The following TRIM36 variants were observed in gnomAD, a reference collection of about 807,000 sequenced individuals.
The protein encoded by TRIM36 is E3 ubiquitin-protein ligase TRIM36.
A neutral mutation model predicts 72.4 loss-of-function variants in TRIM36; 42 were observed. The ratio of observed to expected loss-of-function variants is 0.58; its 90% CI spans 0.45 to 0.75. The LOEUF (loss-of-function observed/expected upper bound fraction) is 0.75. Ranked by LOEUF, TRIM36 falls within the 30% of genes least tolerant of loss-of-function variation. The pLI is 0.00. For missense variants in TRIM36, 913 were observed against 857.1 expected (o/e 1.07, Z -0.81); for synonymous variants, 315 against 282.8 (o/e 1.11, Z -1.14).
chr5:115,135,760 A>G (rs1428749359), intron 7 of TRIM36, among the ~76,000 whole-genome samples: 1 of 152,220 alleles, frequency 6.6e-6, no homozygotes, highest in Non-Finnish European at 1.5e-5. Flanking sequence ...TACAATCAGC[A>G]TTTTAAGTGA....
At chr5:115,172,560 A>AC (rs200020650), upstream of TRIM36, among the ~76,000 whole-genome samples, 1,507 of 151,854 alleles carry the variant, frequency 9.9e-3, 22 homozygotes, top group African/African-American at 0.035. Flanking sequence ...ACATGGTGAA[A>AC]CCCCCCCTTT....
intron 4 of TRIM36, among the ~76,000 whole-genome samples, chr5:115,144,311 T>C (rs750688236): frequency 2.9e-4 from 44 of 152,174 alleles, no homozygotes; most frequent in Admixed American, 4.6e-4. Flanking sequence ...ATCATAGACA[T>C]TGGGCTCATT....
intron 2 of TRIM36, among the ~76,000 whole-genome samples, chr5:115,154,443 G>A (rs1580684287): frequency 6.6e-6 from 1 of 150,992 alleles, no homozygotes; most frequent in East Asian, 1.9e-4. Flanking sequence ...TACACCATTA[G>A]CAAAATTAAC....
In TRIM36 at chr5:115,130,858, G is replaced by A. The variant is rs779492688; in HGVS notation, c.1530C>T (p.Gly510=). 2 of 1,609,000 alleles carry A rather than the reference G, an allele frequency of 1.2e-6. No homozygotes were observed. The highest frequency in any genetic ancestry group is 2.2e-5 in the East Asian group (1 of 44,770). ...TCAGCAGGAGGTGTTCATTATTATAGCCACATTTTTCATCAAAGAGGAAGC... is the reference window on the plus strand; with the variant it reads ...TCAGCAGGAGGTGTTCATTATTATAACCACATTTTTCATCAAAGAGGAAGC... ...VFSFLFDEKC[G]YNNEHLLLNL... The change falls in exon 9 of 10, where the codon GGC becomes GGT. Residue 510 remains glycine, a synonymous_variant. Coordinates refer to ENST00000513154, the MANE Select transcript of TRIM36 (RefSeq NM_001300759.2).
intron 4 of TRIM36, among the ~76,000 whole-genome samples, chr5:115,143,716 G>C (rs1753412354): frequency 6.6e-6 from 1 of 152,198 alleles, no homozygotes; most frequent in East Asian, 1.9e-4. Flanking sequence ...AAAATGGGTA[G>C]TAGGTACATA....
In TRIM36 at chr5:115,137,686, G is replaced by A. The variant is rs548545073; in HGVS notation, c.832-70C>T. 3.3e-5 allele frequency: 48 copies of A among 1,460,096 alleles called. No homozygotes were observed. The African/African-American group carries it at 6.4e-4, about 19-fold the overall frequency. 90.4% of individuals were successfully genotyped at this position (1,460,096 alleles called of 1,614,324 possible). ...ATAGCCTCTTCTGCTAAACCCAAAT[G>A]GCTTTCCACAAAGTTCTACATAATT... On this transcript the variant is annotated intron_variant, in intron 5 of 9. Coordinates refer to ENST00000513154, the MANE Select transcript of TRIM36 (RefSeq NM_001300759.2).
At position 115,126,243 on chromosome 5, in the gene TRIM36, A is replaced by G. The variant is rs1361074732; in HGVS notation, c.*260T>C. On this transcript the variant is annotated 3_prime_UTR_variant, in exon 10 of 10. Transcript: ENST00000513154. ...AAATAAATTAGATATCCTGTACATA[A>G]AGTAAAAGACAGTCCAGTTGCAAAG... is the stretch of plus-strand genomic sequence containing the variant. The G allele has an allele frequency of 2.5e-6, 1 of 393,870 alleles. No homozygotes were observed. The highest frequency in any genetic ancestry group is 4.5e-6 in the Non-Finnish European group (1 of 220,678). 24.4% of individuals were successfully genotyped at this position (393,870 alleles called of 1,614,324 possible). A position where few individuals can be genotyped will look rare whatever the true frequency, so the allele number is the denominator to read the frequency against.
intron 9 of TRIM36, 110 bp downstream of exon 9, chr5:115,130,482 A>C (rs1752616362): frequency 9.5e-6 from 12 of 1,269,336 alleles, no homozygotes; most frequent in East Asian, 2.5e-5. Flanking sequence ...CAGCCAAAAT[A>C]CTAGAATCTA....
At chr5:115,172,672 G>A (rs961682456), upstream of TRIM36, among the ~76,000 whole-genome samples, 1 of 151,874 alleles carries the variant, frequency 6.6e-6, no homozygotes, top group African/African-American at 2.4e-5. Context: ...GGAGGCAGAG[G>A]TTGCAGTGAG....
chr5:115,129,281 G>C (rs904275888), intron 9 of TRIM36, among the ~76,000 whole-genome samples: 1 of 152,196 alleles, frequency 6.6e-6, no homozygotes. Context: ...AGAAACTACA[G>C]GCCAGGTGCG....
chr5:115,132,184 A>ATGTGTGTG (rs141231840), intron 8 of TRIM36, among the ~76,000 whole-genome samples: 1 of 140,130 alleles, frequency 7.1e-6, no homozygotes, highest in Non-Finnish European at 1.5e-5. Context: ...CTCTCTCTCT[A>ATGTGTGTG]TGTGTGTGTG....
chr5:115,161,986 G>A (rs1451465650), intron 2 of TRIM36, among the ~76,000 whole-genome samples: 7 of 152,076 alleles, frequency 4.6e-5, no homozygotes, highest in Non-Finnish European at 5.9e-5. Context: ...TTTCATTTCT[G>A]GACAGCCTTA....
At chr5:115,134,338 T>A (rs1407667313) in intron 7 of TRIM36, among the ~76,000 whole-genome samples, 191 bp from the exon 8 acceptor site, 2 of 151,924 alleles carry the variant, frequency 1.3e-5, no homozygotes, top group Non-Finnish European at 2.9e-5. Context: ...AAAAGGTATA[T>A]CTATATTTGT....
chr5:115,180,171 G>A (rs985732756), upstream of TRIM36: 7 of 828,440 alleles, frequency 8.4e-6, no homozygotes, highest in Middle Eastern at 2.4e-4. Context: ...GAAAAGAGGG[G>A]AAGCGCCGGG....
rs1752330208 is a variant in TRIM36 at position 115,125,628 on chromosome 5, A to G, written c.*875T>C. The G allele has an allele frequency of 6.6e-6, 1 of 152,140 alleles. No individual in the cohort carries two copies. The highest frequency in any genetic ancestry group is 1.5e-5 in the Non-Finnish European group (1 of 67,952). 9.4% of individuals were successfully genotyped at this position (152,140 alleles called of 1,614,324 possible). ...ATCACAAAACACAGTAAGGGGGTAAAAGAATAAATATGACTTTTAATATCA... is the reference window on the plus strand; with the variant it reads ...ATCACAAAACACAGTAAGGGGGTAAGAGAATAAATATGACTTTTAATATCA... On this transcript the variant is annotated 3_prime_UTR_variant, in exon 10 of 10. Coordinates refer to ENST00000513154, the MANE Select transcript of TRIM36 (RefSeq NM_001300759.2).
In TRIM36 at chr5:115,167,580, C is replaced by T. The variant is rs530699995; in HGVS notation, c.27+2028G>A. Among the ~76,000 whole-genome samples, 11 of 152,304 alleles carry T rather than the reference C, an allele frequency of 7.2e-5. No individual in the cohort carries two copies. In the East Asian group the frequency reaches 1.5e-3, roughly 21 times the overall value. ...CAAGAGTCACCTTCACTCCAGTTTC[C>T]GACAAGTTCCTCATCTCCATCTGAG... On this transcript the variant is annotated intron_variant, in intron 1 of 9. Coordinates refer to ENST00000513154, the MANE Select transcript of TRIM36 (RefSeq NM_001300759.2).
At chr5:115,151,267 T>C (rs1753878762) in intron 2 of TRIM36, among the ~76,000 whole-genome samples, 1 of 152,152 alleles carries the variant, frequency 6.6e-6, no homozygotes, top group Admixed American at 6.5e-5. Flanking sequence ...TTTCCTTCAC[T>C]TCGCTGACAA....
intron 3 of TRIM36, 37 bp from the exon 4 acceptor site, chr5:115,144,781 A>C: frequency 6.4e-7 from 1 of 1,566,326 alleles, no homozygotes; most frequent in East Asian, 2.3e-5. Context: ...TTAAGGATCT[A>C]GGTTTCAAGT....
upstream of TRIM36, among the ~76,000 whole-genome samples, chr5:115,172,519 T>C (rs1755161469): frequency 6.6e-6 from 1 of 152,162 alleles, no homozygotes; most frequent in South Asian, 2.1e-4. Flanking sequence ...GTGGATCACC[T>C]GAGGTCGGGA....
Sources: gnomAD v4.1 joint callset for allele counts (sites outside exome capture counted in the v4.1 genomes callset) on GRCh38, gnomAD v4.1.1 for gene constraint, MANE v1.5 for transcripts, NCBI Gene and HGNC (gene_info 2026-07-23, HGNC 2026-07-21) for gene names.